CDIN1: variants seen among roughly 807,000 people sequenced by gnomAD.
CDIN1 encodes the protein CDAN1 interacting nuclease 1.
Under a neutral mutation model 45.3 loss-of-function variants are expected in CDIN1, and 33 were observed. The observed-to-expected ratio is 0.73, with a 90% CI of 0.55 to 0.97. The LOEUF is 0.97. Among genes scored for constraint, CDIN1 ranks in the 50% least tolerant of loss-of-function variants. The pLI is 0.00. For missense variants in CDIN1, 303 were observed against 339.4 expected (o/e 0.89, Z 0.84); for synonymous variants, 118 against 124.4 (o/e 0.95, Z 0.34).
At chr15:36,584,030 A>T (rs1595702471) in intron 1 of CDIN1, among the ~76,000 whole-genome samples, 1 of 152,148 alleles carries the variant, frequency 6.6e-6, no homozygotes, top group East Asian at 1.9e-4. Flanking sequence ...AAACCATAAA[A>T]AATAAAATAA....
At chr15:36,771,725 C>T (rs1482809886) in intron 10 of CDIN1, among the ~76,000 whole-genome samples, 1 of 152,082 alleles carries the variant, frequency 6.6e-6, no homozygotes, top group Non-Finnish European at 1.5e-5. Context: ...ATCAGGAGTT[C>T]GAGACCAGCC....
chr15:36,706,713 A>T (rs1021373030), intron 8 of CDIN1: 2 of 152,226 alleles, frequency 1.3e-5, no homozygotes, highest in Admixed American at 6.5e-5. Flanking sequence ...GATGAACCTC[A>T]GATGAACATG....
At chr15:36,664,804 C>T (rs2041183943) in intron 5 of CDIN1, among the ~76,000 whole-genome samples, 1 of 152,206 alleles carries the variant, frequency 6.6e-6, no homozygotes, top group African/African-American at 2.4e-5. Flanking sequence ...CCTTGGCCTC[C>T]CAAAGTGCTG....
intron 8 of CDIN1, chr15:36,708,043 G>A (rs982535851): frequency 1.4e-4 from 21 of 152,132 alleles, no homozygotes; most frequent in African/African-American, 5.1e-4. Context: ...CTTTAAATAT[G>A]TGTCTTGTCA....
intron 10 of CDIN1, among the ~76,000 whole-genome samples, chr15:36,796,955 G>T (rs1441664735): frequency 1.3e-5 from 2 of 152,152 alleles, no homozygotes; most frequent in African/African-American, 2.4e-5. Flanking sequence ...TTGAAGAAAA[G>T]GCAGAGTATA....
chr15:36,702,226 A>T (rs2080456056), intron 8 of CDIN1: 2 of 670,924 alleles, frequency 3.0e-6, no homozygotes, highest in Admixed American at 4.1e-5. Flanking sequence ...TTTTTAGAGT[A>T]ACAGGAACAT....
At chr15:36,592,298 G>A (rs1370623972) in intron 1 of CDIN1, among the ~76,000 whole-genome samples, 6 of 152,118 alleles carry the variant, frequency 3.9e-5, no homozygotes, top group Non-Finnish European at 8.8e-5. Flanking sequence ...CCTCACATTG[G>A]TAGCTTAAAA....
chr15:36,734,390 AC>A, intron 10 of CDIN1: 1 of 393,206 alleles, frequency 2.5e-6, no homozygotes, highest in East Asian at 8.2e-5. Context: ...AGTTACTTTA[AC>A]TTTTATAATT....
intron 1 of CDIN1, among the ~76,000 whole-genome samples, chr15:36,611,828 A>G (rs536227998): frequency 9.2e-5 from 14 of 152,216 alleles, no homozygotes; most frequent in South Asian, 2.1e-4. Flanking sequence ...TTATTCACCA[A>G]TGGTGTTTGT....
At chr15:36,620,718 G>A (rs2039145654) in intron 1 of CDIN1, among the ~76,000 whole-genome samples, 1 of 152,150 alleles carries the variant, frequency 6.6e-6, no homozygotes, top group Non-Finnish European at 1.5e-5. Flanking sequence ...TTTGCTGTCA[G>A]TGTTAAAGAT....
chr15:36,597,957 ATTTAT>A (rs1251163991), intron 1 of CDIN1, among the ~76,000 whole-genome samples: 7 of 152,148 alleles, frequency 4.6e-5, no homozygotes, highest in Admixed American at 4.6e-4. Context: ...AACAATTCTC[ATTTAT>A]TTTATCACTC....
At chr15:36,636,165 C>T (rs2039889426) in intron 1 of CDIN1, among the ~76,000 whole-genome samples, 1 of 151,942 alleles carries the variant, frequency 6.6e-6, no homozygotes, top group South Asian at 2.1e-4. Context: ...ATATTAAAGC[C>T]AGATAGAGGA....
chr15:36,663,334 A>G (rs753378980), intron 5 of CDIN1, among the ~76,000 whole-genome samples: 4 of 152,122 alleles, frequency 2.6e-5, no homozygotes, highest in Non-Finnish European at 5.9e-5. Flanking sequence ...GAGAGCTTTT[A>G]TTTAGTTTTT....
At chr15:36,637,586 T>C (rs1050131827) in intron 1 of CDIN1, among the ~76,000 whole-genome samples, 10 of 152,152 alleles carry the variant, frequency 6.6e-5, no homozygotes, top group Non-Finnish European at 1.3e-4. Flanking sequence ...GAGAGGTGCA[T>C]GTCAGATGGC....
intron 1 of CDIN1, among the ~76,000 whole-genome samples, chr15:36,630,955 T>G (rs1289742094): frequency 6.6e-6 from 1 of 152,198 alleles, no homozygotes; most frequent in Admixed American, 6.5e-5. Context: ...CCTCCATGGC[T>G]CATACATCTC....
intron 10 of CDIN1, among the ~76,000 whole-genome samples, chr15:36,793,147 C>T (rs566176629): frequency 4.5e-4 from 69 of 152,116 alleles, no homozygotes; most frequent in Non-Finnish European, 7.9e-4. Flanking sequence ...CTGAGCTACC[C>T]CAGGGCCTTC....
chr15:36,629,096 T>A (rs1324508691), intron 1 of CDIN1, among the ~76,000 whole-genome samples: 1 of 152,162 alleles, frequency 6.6e-6, no homozygotes, highest in Admixed American at 6.5e-5. Context: ...GAGCATGGCC[T>A]TGCTAAGACA....
At chr15:36,725,284 T>C (rs968083564) in intron 10 of CDIN1, among the ~76,000 whole-genome samples, 94 of 150,718 alleles carry the variant, frequency 6.2e-4, no homozygotes, top group Non-Finnish European at 5.9e-5. Context: ...TTTAAATAGA[T>C]ATAAATGATT....
intron 10 of CDIN1, among the ~76,000 whole-genome samples, chr15:36,782,925 A>G (rs2054388741): frequency 6.6e-6 from 1 of 152,196 alleles, no homozygotes; most frequent in Non-Finnish European, 1.5e-5. Context: ...TGGACTGGAA[A>G]AACATGCCAT....
Sources: gnomAD v4.1 joint callset for allele counts (sites outside exome capture counted in the v4.1 genomes callset) on GRCh38, gnomAD v4.1.1 for gene constraint, MANE v1.5 for transcripts, NCBI Gene and HGNC (gene_info 2026-07-23, HGNC 2026-07-21) for gene names.